Variants in FAR1 observed in about 807,000 individuals in gnomAD.
The protein encoded by FAR1 is fatty acyl-CoA reductase 1, also known as male sterility domain-containing protein 2.
In FAR1, 22 loss-of-function variants were observed where a neutral mutation model predicts 61.1. The observed-to-expected ratio is 0.36, with a 90% CI of 0.26 to 0.51. The LOEUF is 0.51. FAR1 is among the 20% of genes least tolerant of loss of function. The pLI is 0.95. For synonymous variants in FAR1, 206 were observed against 209.7 expected (o/e 0.98, Z 0.15); for missense variants, 359 against 626.9 (o/e 0.57, Z 4.56).
rs751341832 is a variant in FAR1, at chr11:13,707,757, TAC to T, written c.366-139_366-138del. 1.4e-3 allele frequency: 660 copies of T among 481,432 alleles called. 10 individuals are homozygous for T. The highest frequency in any genetic ancestry group is 5.6e-4 in the Middle Eastern group (1 of 1,788). The allele number at this position is 481,432 out of a possible 1,614,324, so 29.8% of individuals were successfully genotyped here. A position where few individuals can be genotyped will look rare whatever the true frequency, so the allele number is the denominator to read the frequency against. On this transcript the variant is annotated intron_variant, in intron 3 of 11. Transcript: ENST00000354817. ...ATAAACATTTAATATGGAAATAAAA[TAC>T]ACAAAATCACAGCTAAAGGATAAGT...
At chr11:13,668,850 C>T (rs1482855377) in intron 1 of FAR1, 44 bp downstream of exon 1, 1 of 153,022 alleles carries the variant, frequency 6.5e-6, no homozygotes, top group Non-Finnish European at 1.5e-5. Flanking sequence ...GCTGCGGGCT[C>T]CTCCTCGCCT....
intron 11 of FAR1, 23 bp from the exon 12 acceptor site, chr11:13,728,589 A>T: frequency 6.2e-7 from 1 of 1,603,750 alleles, no homozygotes; most frequent in Non-Finnish European, 8.5e-7. Flanking sequence ...ACTGTCTAAC[A>T]TATCTCTTGA....
At position 13,730,192 on chromosome 11, in the gene FAR1, C is replaced by T. The variant is rs529729781; in HGVS notation, c.*1418C>T. 1.3e-5 allele frequency: 2 copies of T among 152,190 alleles called. No individual in the cohort carries two copies. The highest frequency in any genetic ancestry group is 1.5e-5 in the Non-Finnish European group (1 of 67,798). 9.4% of individuals were successfully genotyped at this position (152,190 alleles called of 1,614,324 possible). On this transcript the variant is annotated 3_prime_UTR_variant, in exon 12 of 12. Coordinates refer to ENST00000354817, the MANE Select transcript of FAR1 (RefSeq NM_032228.6). ...TGGAGTATGTTTAAAGAGAACAGTT[C>T]GCAATACAAAAAGTTACATGGAGCT...
chr11:13,673,763 C>A (rs1382898919), intron 1 of FAR1, among the ~76,000 whole-genome samples: 1 of 152,134 alleles, frequency 6.6e-6, no homozygotes, highest in Admixed American at 6.5e-5. Flanking sequence ...ATATTTACTT[C>A]AAAATGTTTG....
At chr11:13,695,873 TGTTG>T (rs1371142068) in intron 2 of FAR1, among the ~76,000 whole-genome samples, 3 of 152,326 alleles carry the variant, frequency 2.0e-5, no homozygotes, top group Admixed American at 2.0e-4. Flanking sequence ...TTCCTCATTA[TGTTG>T]GTTTTATTTT....
intron 1 of FAR1, among the ~76,000 whole-genome samples, chr11:13,679,169 T>G (rs957005125): frequency 2.0e-5 from 3 of 151,858 alleles, no homozygotes; most frequent in African/African-American, 7.3e-5. Flanking sequence ...GCTCTGTCTT[T>G]GGTAGTACAG....
intron 2 of FAR1, among the ~76,000 whole-genome samples, chr11:13,697,468 TAAAA>T (rs1368123386): frequency 1.3e-5 from 2 of 151,388 alleles, no homozygotes; most frequent in Non-Finnish European, 2.9e-5. Flanking sequence ...CTCAAAAAAA[TAAAA>T]AATAAAATGA....
chr11:13,728,355 G>T (rs1848687184), intron 11 of FAR1, among the ~76,000 whole-genome samples: 1 of 151,534 alleles, frequency 6.6e-6, no homozygotes, highest in Non-Finnish European at 1.5e-5. Context: ...AGCAACTAAA[G>T]ATGTCAAAAA....
intron 8 of FAR1, among the ~76,000 whole-genome samples, chr11:13,713,448 T>G (rs1238064145): frequency 6.6e-6 from 1 of 152,106 alleles, no homozygotes; most frequent in Admixed American, 6.6e-5. Context: ...ATGAAGGAGT[T>G]AGGAAGTAGG....
chr11:13,711,379 T>C (rs1026969578), intron 5 of FAR1, among the ~76,000 whole-genome samples: 2 of 152,168 alleles, frequency 1.3e-5, no homozygotes, highest in African/African-American at 4.8e-5. Flanking sequence ...CTCTGTTTTA[T>C]TCATAATTTT....
rs939558274 is a variant in FAR1 at position 13,707,047 on chromosome 11, C to T, written c.366-853C>T. The stretch of plus-strand genomic sequence containing the variant: ...ATGTATTCTTTTGGTATTATTCATA[C>T]AAATGTTTCATATTTTTATAGACTT... On this transcript the variant is annotated intron_variant, in intron 3 of 11. Coordinates refer to ENST00000354817, the MANE Select transcript of FAR1 (RefSeq NM_032228.6). 7.9e-5 allele frequency among the ~76,000 whole-genome samples: 12 copies of T among 152,194 alleles called. No individual in the cohort carries two copies. In the South Asian group the frequency reaches 2.5e-3, roughly 32 times the overall value.
chr11:13,709,624 T>C (rs913014358), intron 4 of FAR1, among the ~76,000 whole-genome samples: 1 of 152,084 alleles, frequency 6.6e-6, no homozygotes, highest in African/African-American at 2.4e-5. Context: ...GCAGGTTTTT[T>C]TTTCCTCATG....
chr11:13,725,777 C>T (rs922911052), intron 10 of FAR1, among the ~76,000 whole-genome samples: 3 of 152,096 alleles, frequency 2.0e-5, no homozygotes, highest in African/African-American at 7.2e-5. Context: ...TTGTAAGCAG[C>T]ATATAGCTGT....
intron 1 of FAR1, among the ~76,000 whole-genome samples, chr11:13,670,703 G>C (rs1847990913): frequency 6.7e-6 from 1 of 149,402 alleles, no homozygotes; most frequent in Non-Finnish European, 1.5e-5. Flanking sequence ...TTGTAGCTAA[G>C]TAGCTTGAGG....
chr11:13,670,217 C>A (rs550674851), intron 1 of FAR1: 3 of 151,912 alleles, frequency 2.0e-5, no homozygotes, highest in South Asian at 4.2e-4. Context: ...CAGGGGTGAG[C>A]CACCCCACCC....
At chr11:13,680,415 T>G (rs1848115379) in intron 1 of FAR1, among the ~76,000 whole-genome samples, 1 of 152,186 alleles carries the variant, frequency 6.6e-6, no homozygotes, top group African/African-American at 2.4e-5. Flanking sequence ...TCTTTGATGT[T>G]GAGTCTGTCT....
At chr11:13,713,476 A>G (rs939098871) in intron 8 of FAR1, among the ~76,000 whole-genome samples, 2 of 152,062 alleles carry the variant, frequency 1.3e-5, no homozygotes, top group African/African-American at 4.8e-5. Flanking sequence ...TTGCCAGAAT[A>G]TTTTCTATTA....
chr11:13,708,238 C>T (rs1475743509), intron 4 of FAR1, among the ~76,000 whole-genome samples, 159 bp downstream of exon 4: 1 of 152,012 alleles, frequency 6.6e-6, no homozygotes, highest in Non-Finnish European at 1.5e-5. Flanking sequence ...GTGGCAGGCG[C>T]CTGTAGTCCC....
chr11:13,677,656 C>T (rs61881758), intron 1 of FAR1, among the ~76,000 whole-genome samples: 8,241 of 152,276 alleles, frequency 0.054, 251 homozygotes, highest in Non-Finnish European at 0.064. Context: ...CGTACATTAG[C>T]GACATCATAG....
Sources: allele counts gnomAD v4.1 joint callset (sites outside exome capture counted in the v4.1 genomes callset), GRCh38; gene constraint gnomAD v4.1.1; transcripts MANE v1.5; gene names NCBI Gene and HGNC (gene_info 2026-07-23, HGNC 2026-07-21).